The following HSD17B4 variants were observed in gnomAD, a reference collection of about 807,000 sequenced individuals.
The protein encoded by HSD17B4 is hydroxysteroid 17-beta dehydrogenase 4, also known as peroxisomal multifunctional enzyme type 2.
A neutral mutation model predicts 101.0 loss-of-function variants in HSD17B4; 70 were observed. The observed-to-expected ratio is 0.69, with a 90% CI of 0.57 to 0.85. HSD17B4 has a LOEUF of 0.85. Among genes scored for constraint, HSD17B4 ranks in the 40% least tolerant of loss-of-function variants. The pLI is 0.00. For missense variants in HSD17B4, 984 were observed against 892.4 expected, an observed-to-expected ratio of 1.10 and a Z score of -1.31; for synonymous variants, 347 against 297.1, an observed-to-expected ratio of 1.17 and a Z score of -1.73.
chr5:119,489,480 A>G (rs1448107812), intron 9 of HSD17B4, among the ~76,000 whole-genome samples, 197 bp downstream of exon 9: 1 of 152,206 alleles, frequency 6.6e-6, no homozygotes, highest in Non-Finnish European at 1.5e-5. Context: ...TACATTTGTA[A>G]CATTCCTACC....
At chr5:119,469,045 A>C (rs112700082) in intron 2 of HSD17B4, among the ~76,000 whole-genome samples, 2,206 of 149,970 alleles carry the variant, frequency 0.015, 53 homozygotes, top group African/African-American at 0.051. Flanking sequence ...ATCACACTTT[A>C]TTCATTGTAT....
At chr5:119,507,842 T>A (rs1322251570) in intron 15 of HSD17B4, among the ~76,000 whole-genome samples, 3 of 152,002 alleles carry the variant, frequency 2.0e-5, no homozygotes, top group African/African-American at 7.2e-5. Flanking sequence ...AAATTTAAAT[T>A]TAAGTTTAAA....
intron 2 of HSD17B4, chr5:119,471,599 T>C: frequency 3.5e-6 from 3 of 864,690 alleles, no homozygotes; most frequent in Admixed American, 6.6e-5. Context: ...TATACCATTA[T>C]GCTATTTATT....
Position 119,493,893 on chromosome 5 carries a change from A to G in HSD17B4, c.815A>G (p.Asn272Ser). The part of the protein sequence containing the change: ...HPMTPEAVKA[N>S]WKKICDFENA... The stretch of plus-strand genomic sequence containing the variant: ...ATGACTCCTGAGGCAGTCAAGGCTA[A>G]CTGGAAGAAGATCTGTGACTTTGAG... The change falls in exon 11 of 24, where the codon AAC (asparagine) becomes AGC (serine). Residue 272 changes from asparagine to serine, a missense_variant. Coordinates refer to ENST00000510025, the MANE Select transcript of HSD17B4 (RefSeq NM_000414.4). The G allele has an allele frequency of 6.2e-7, 1 of 1,613,396 alleles. No individual in the cohort carries two copies. Among genetic ancestry groups the G allele is most frequent in the South Asian group, 1.1e-5 (1 of 91,080 alleles).
intron 20 of HSD17B4, among the ~76,000 whole-genome samples, chr5:119,527,504 A>G (rs1415903560): frequency 6.6e-6 from 1 of 152,052 alleles, no homozygotes; most frequent in Non-Finnish European, 1.5e-5. Flanking sequence ...AAACCCAGCC[A>G]ACCATGTCTT....
intron 23 of HSD17B4, among the ~76,000 whole-genome samples, chr5:119,539,547 G>T (rs376899885): frequency 1.3e-5 from 2 of 151,268 alleles, no homozygotes; most frequent in Non-Finnish European, 2.9e-5. Flanking sequence ...ACAAACCTGC[G>T]CATTGTGCAC....
At chr5:119,502,419 T>A (rs1379152260) in intron 14 of HSD17B4, among the ~76,000 whole-genome samples, 1 of 152,188 alleles carries the variant, frequency 6.6e-6, no homozygotes, top group Non-Finnish European at 1.5e-5. Flanking sequence ...TGATTATTGT[T>A]CTTTTCTCAG....
intron 22 of HSD17B4, among the ~76,000 whole-genome samples, chr5:119,533,835 C>T (rs577635713): frequency 3.3e-5 from 5 of 152,206 alleles, no homozygotes; most frequent in African/African-American, 1.2e-4. Flanking sequence ...TTTGTTGGTC[C>T]TGCTGTTCCT....
chr5:119,503,820 C>T (rs1160210471), intron 14 of HSD17B4, among the ~76,000 whole-genome samples: 1 of 150,446 alleles, frequency 6.6e-6, no homozygotes, highest in East Asian at 1.9e-4. Context: ...TCAGGAGGTA[C>T]CTGTGCAGAT....
intron 17 of HSD17B4, among the ~76,000 whole-genome samples, chr5:119,518,483 G>A (rs1320961803): frequency 2.0e-5 from 3 of 152,162 alleles, no homozygotes; most frequent in Non-Finnish European, 4.4e-5. Flanking sequence ...AGTAAGAATG[G>A]GACTTAGTGG....
intron 9 of HSD17B4, among the ~76,000 whole-genome samples, chr5:119,489,692 A>G (rs866680596): frequency 2.0e-5 from 3 of 152,198 alleles, no homozygotes; most frequent in African/African-American, 4.8e-5. Context: ...ACTACAAGTC[A>G]TATTTTAAAC....
chr5:119,535,198 A>G (rs1166012978), intron 22 of HSD17B4, among the ~76,000 whole-genome samples: 1 of 152,124 alleles, frequency 6.6e-6, no homozygotes, highest in Non-Finnish European at 1.5e-5. Context: ...GAACAAAGAC[A>G]TTCTCTTATC....
chr5:119,527,082 TAA>T, intron 19 of HSD17B4, 49 bp from the exon 20 acceptor site: 1 of 1,113,958 alleles, frequency 9.0e-7, no homozygotes, highest in Non-Finnish European at 1.4e-6. Context: ...CTCCTACAAG[TAA>T]AAGAGTTTCC....
chr5:119,452,875 G>C lies in HSD17B4; in HGVS notation c.58+242G>C, dbSNP rs987708930. On this transcript the variant is annotated intron_variant, in intron 1 of 23. Coordinates refer to ENST00000510025, the MANE Select transcript of HSD17B4 (RefSeq NM_000414.4). The stretch of plus-strand genomic sequence containing the variant: ...GTGTGGGCTTCCCAAGGTCCTGCCT[G>C]AGAGGAGAGGCCAGGCTGGGCTGCT... 7 of 1,534,074 alleles carry C rather than the reference G, an allele frequency of 4.6e-6. No homozygotes were observed. The African/African-American group carries it at 8.2e-5, about 18-fold the overall frequency.
intron 2 of HSD17B4, 62 bp downstream of exon 2, chr5:119,456,430 C>G (rs961984209): frequency 1.4e-5 from 14 of 975,738 alleles, no homozygotes; most frequent in Non-Finnish European, 2.0e-5. Context: ...TCTTTACAAG[C>G]TATCTTTGTC....
intron 13 of HSD17B4, among the ~76,000 whole-genome samples, chr5:119,499,872 A>G (rs564237523): frequency 1.3e-5 from 2 of 152,288 alleles, no homozygotes; most frequent in Non-Finnish European, 2.9e-5. Flanking sequence ...TTCCTTATCT[A>G]TAAAATGGAT....
chr5:119,472,116 A>G (rs2126675156), intron 2 of HSD17B4, among the ~76,000 whole-genome samples: 1 of 152,314 alleles, frequency 6.6e-6, no homozygotes, highest in East Asian at 1.9e-4. Context: ...TTGGTTCTGT[A>G]TGTAATTTTT....
chr5:119,528,244 G>T (rs1041488681), intron 20 of HSD17B4, among the ~76,000 whole-genome samples: 6 of 152,112 alleles, frequency 3.9e-5, no homozygotes, highest in Non-Finnish European at 8.8e-5. Flanking sequence ...AACCCGATCA[G>T]CATGGCTTCA....
chr5:119,456,188 A>G, intron 1 of HSD17B4, 127 bp from the exon 2 acceptor site: 1 of 727,546 alleles, frequency 1.4e-6, no homozygotes, highest in Non-Finnish European at 2.6e-6. Context: ...GTGATAGGAT[A>G]GGTTGAGAGT....
Sources: gnomAD v4.1 joint callset for allele counts (sites outside exome capture counted in the v4.1 genomes callset) on GRCh38, gnomAD v4.1.1 for gene constraint, MANE v1.5 for transcripts, NCBI Gene and HGNC (gene_info 2026-07-23, HGNC 2026-07-21) for gene names.